EDIL3: variants seen among roughly 807,000 people sequenced by gnomAD.
EDIL3 encodes the protein EGF-like repeat and discoidin I-like domain-containing protein 3.
A neutral mutation model predicts 67.4 loss-of-function variants in EDIL3; 37 were observed. The ratio of observed to expected loss-of-function variants is 0.55; its 90% CI spans 0.42 to 0.72. The LOEUF (loss-of-function observed/expected upper bound fraction) is 0.72, where lower values mean the gene tolerates loss of function less well. EDIL3 is among the 30% of genes least tolerant of loss of function. EDIL3 has a pLI of 0.00. For missense variants in EDIL3, 527 were observed against 586.3 expected (o/e 0.90, Z 1.04); for synonymous variants, 195 against 196.3 (o/e 0.99, Z 0.05).
At chr5:84,255,730 A>G (rs1745111046) in intron 1 of EDIL3, among the ~76,000 whole-genome samples, 1 of 152,208 alleles carries the variant, frequency 6.6e-6, no homozygotes. Context: ...TCTGTCAAAT[A>G]TAAACCAAGT....
At chr5:84,374,505 A>G (rs1188042286) in intron 1 of EDIL3, among the ~76,000 whole-genome samples, 1 of 152,212 alleles carries the variant, frequency 6.6e-6, no homozygotes, top group African/African-American at 2.4e-5. Flanking sequence ...ATTTTGGGGG[A>G]ATAAATATAA....
At chr5:84,329,518 G>C (rs983443251) in intron 1 of EDIL3, among the ~76,000 whole-genome samples, 5 of 152,040 alleles carry the variant, frequency 3.3e-5, no homozygotes, top group African/African-American at 1.2e-4. Flanking sequence ...ATATGACACT[G>C]TGCCACATCA....
intron 8 of EDIL3, among the ~76,000 whole-genome samples, chr5:84,063,488 A>AT (rs1171902235): frequency 6.6e-6 from 1 of 152,168 alleles, no homozygotes; most frequent in Non-Finnish European, 1.5e-5. Flanking sequence ...CCAACATAGA[A>AT]TATGAAAATG....
At chr5:84,222,092 T>A (rs1744354370) in intron 3 of EDIL3, among the ~76,000 whole-genome samples, 1 of 151,946 alleles carries the variant, frequency 6.6e-6, no homozygotes. Context: ...AAAAGATATC[T>A]GTAGCATGGG....
At chr5:84,290,678 A>C (rs1196775628) in intron 1 of EDIL3, among the ~76,000 whole-genome samples, 1 of 152,200 alleles carries the variant, frequency 6.6e-6, no homozygotes, top group Non-Finnish European at 1.5e-5. Flanking sequence ...TATCCCATAC[A>C]TATTAGTTAC....
intron 1 of EDIL3, among the ~76,000 whole-genome samples, chr5:84,365,950 T>C (rs1240829384): frequency 6.6e-6 from 1 of 152,154 alleles, no homozygotes; most frequent in African/African-American, 2.4e-5. Context: ...GGAAACAGGT[T>C]ATGTATATAA....
At chr5:84,202,540 G>A (rs1050696347) in intron 3 of EDIL3, among the ~76,000 whole-genome samples, 2 of 152,124 alleles carry the variant, frequency 1.3e-5, no homozygotes, top group Admixed American at 6.6e-5. Context: ...TTGCAGACAA[G>A]AAACAAATGG....
At chr5:84,029,305 A>C (rs1432240837) in intron 9 of EDIL3, among the ~76,000 whole-genome samples, 2 of 152,082 alleles carry the variant, frequency 1.3e-5, no homozygotes, top group Non-Finnish European at 2.9e-5. Context: ...TCCTCTGCAC[A>C]AGTTCTCTCT....
intron 4 of EDIL3, among the ~76,000 whole-genome samples, chr5:84,150,827 G>A (rs1434745381): frequency 6.6e-6 from 1 of 152,120 alleles, no homozygotes; most frequent in Non-Finnish European, 1.5e-5. Context: ...TTGTATGGAT[G>A]TTCATAGCAG....
At chr5:84,297,847 A>G (rs1187087769) in intron 1 of EDIL3, among the ~76,000 whole-genome samples, 1 of 152,190 alleles carries the variant, frequency 6.6e-6, no homozygotes, top group Non-Finnish European at 1.5e-5. Context: ...GCAAGAAACA[A>G]GGAGCCAGCA....
At chr5:84,148,208 T>C (rs1748321706) in intron 4 of EDIL3, among the ~76,000 whole-genome samples, 1 of 152,172 alleles carries the variant, frequency 6.6e-6, no homozygotes, top group African/African-American at 2.4e-5. Flanking sequence ...TTCTTGGTTA[T>C]GGCCATGGAG....
chr5:83,988,799 G>A (rs1168737125), intron 9 of EDIL3, among the ~76,000 whole-genome samples: 2 of 152,078 alleles, frequency 1.3e-5, no homozygotes, highest in East Asian at 3.8e-4. Flanking sequence ...AGCAACATAA[G>A]CCAAGTCTCC....
At chr5:84,236,093 C>T (rs1744675886) in intron 2 of EDIL3, among the ~76,000 whole-genome samples, 1 of 151,986 alleles carries the variant, frequency 6.6e-6, no homozygotes, top group Non-Finnish European at 1.5e-5. Context: ...ATTACCAGTG[C>T]ATTTGTGATT....
intron 9 of EDIL3, among the ~76,000 whole-genome samples, chr5:84,059,564 T>C (rs1746506797): frequency 1.3e-5 from 2 of 152,194 alleles, no homozygotes; most frequent in South Asian, 2.1e-4. Flanking sequence ...TGCAATGAAC[T>C]ACTATAGTTT....
chr5:84,175,880 G>A (rs1748895373), intron 4 of EDIL3, among the ~76,000 whole-genome samples: 1 of 152,038 alleles, frequency 6.6e-6, no homozygotes, highest in African/African-American at 2.4e-5. Flanking sequence ...GGGCTGAAGT[G>A]GGGCCAGTAA....
At chr5:84,081,056 A>T (rs779559739) in intron 6 of EDIL3, among the ~76,000 whole-genome samples, 26 of 152,210 alleles carry the variant, frequency 1.7e-4, no homozygotes, top group Non-Finnish European at 3.2e-4. Flanking sequence ...ACCTGGTAAA[A>T]CTTCCAATTA....
chr5:84,040,088 T>C (rs567146970), intron 9 of EDIL3, among the ~76,000 whole-genome samples: 37 of 152,274 alleles, frequency 2.4e-4, no homozygotes, highest in African/African-American at 6.7e-4. Flanking sequence ...TAGTAACAGA[T>C]GGATTTGCCC....
chr5:83,962,415 C>T (rs887276771), intron 10 of EDIL3, among the ~76,000 whole-genome samples: 2 of 151,424 alleles, frequency 1.3e-5, no homozygotes, highest in Admixed American at 1.3e-4. Context: ...CATATTTAAA[C>T]ATCTGATCCC....
chr5:84,134,038 T>C (rs1403121024), intron 5 of EDIL3, among the ~76,000 whole-genome samples: 1 of 151,162 alleles, frequency 6.6e-6, no homozygotes, highest in Non-Finnish European at 1.5e-5. Context: ...TTGAAAATGT[T>C]CAATAGGTAA....
Sources: allele counts gnomAD v4.1 joint callset (sites outside exome capture counted in the v4.1 genomes callset), GRCh38; gene constraint gnomAD v4.1.1; transcripts MANE v1.5; gene names NCBI Gene and HGNC (gene_info 2026-07-23, HGNC 2026-07-21).